Variants in TERB2 observed in about 807,000 individuals in gnomAD.
The protein encoded by TERB2 is telomere repeats-binding bouquet formation protein 2.
A neutral mutation model predicts 29.8 loss-of-function variants in TERB2; 26 were observed. The observed-to-expected ratio is 0.87, with a 90% CI of 0.64 to 1.21. TERB2 has a LOEUF of 1.21. TERB2 is among the 50% of genes most tolerant of loss of function. The pLI is 0.00. For missense variants in TERB2, 240 were observed against 268.6 expected, an observed-to-expected ratio of 0.89 and a Z score of 0.74; for synonymous variants, 80 against 90.8, an observed-to-expected ratio of 0.88 and a Z score of 0.68.
At chr15:44,969,892 T>C (rs1197950505) in intron 5 of TERB2, 1 of 151,756 alleles carries the variant, frequency 6.6e-6, no homozygotes, top group African/African-American at 2.4e-5. Context: ...CATAATATCA[T>C]ACAGTATGTT....
chr15:44,965,945 G>A (rs886501463), intron 4 of TERB2, among the ~76,000 whole-genome samples: 1 of 151,810 alleles, frequency 6.6e-6, no homozygotes, highest in Non-Finnish European at 1.5e-5. Flanking sequence ...TTCTTTATGT[G>A]TCTCCAAAAA....
chr15:44,975,289 A>G (rs1256457817), intron 6 of TERB2, among the ~76,000 whole-genome samples: 1 of 151,996 alleles, frequency 6.6e-6, no homozygotes, highest in Non-Finnish European at 1.5e-5. Flanking sequence ...TTTGTTTTTA[A>G]TTTTGATGTG....
chr15:44,963,019 G>T (rs1891830462), intron 4 of TERB2: 2 of 152,154 alleles, frequency 1.3e-5, no homozygotes, highest in South Asian at 2.1e-4. Flanking sequence ...GAAGATAAGG[G>T]TGGGAGAAGG....
chr15:44,977,512 C>A (rs1290384256), intron 6 of TERB2, among the ~76,000 whole-genome samples: 1 of 152,150 alleles, frequency 6.6e-6, no homozygotes, highest in Non-Finnish European at 1.5e-5. Context: ...TACACAGATA[C>A]ATAGCCATTA....
intron 2 of TERB2, 89 bp downstream of exon 2, chr15:44,957,066 A>G (rs1891727143): frequency 7.3e-7 from 1 of 1,369,902 alleles, no homozygotes; most frequent in Non-Finnish European, 1.0e-6. Context: ...AATATTGATG[A>G]GGCTGGGCGC....
At chr15:44,965,116 T>C (rs1246808205) in intron 4 of TERB2, among the ~76,000 whole-genome samples, 8 of 140,378 alleles carry the variant, frequency 5.7e-5, no homozygotes, top group Middle Eastern at 3.7e-3. Context: ...TGAGCCGAGA[T>C]TTTGCCACTG....
At chr15:44,960,371 G>C (rs760841959) in intron 3 of TERB2, among the ~76,000 whole-genome samples, 2 of 152,102 alleles carry the variant, frequency 1.3e-5, no homozygotes, top group Non-Finnish European at 2.9e-5. Flanking sequence ...GGGTGAGGTG[G>C]CATGCACCTG....
At chr15:44,962,347 A>AT (rs34169916) in intron 4 of TERB2, among the ~76,000 whole-genome samples, 7,417 of 136,978 alleles carry the variant, frequency 0.054, 202 homozygotes, top group African/African-American at 0.093. Flanking sequence ...AAGCCCAGCT[A>AT]TTTTTTTTTT....
chr15:44,965,364 C>G (rs2141241491), intron 4 of TERB2, among the ~76,000 whole-genome samples: 1 of 146,420 alleles, frequency 6.8e-6, no homozygotes, highest in Non-Finnish European at 1.5e-5. Flanking sequence ...ACTTCACTGT[C>G]CTTTTGAAGG....
intron 3 of TERB2, 124 bp downstream of exon 3, chr15:44,958,636 T>A: frequency 9.5e-7 from 1 of 1,052,026 alleles, no homozygotes; most frequent in South Asian, 1.7e-5. Flanking sequence ...TTGTATCTAT[T>A]TAACATAAGT....
chr15:44,968,658 G>A (rs1891924328), intron 5 of TERB2, among the ~76,000 whole-genome samples: 1 of 127,032 alleles, frequency 7.9e-6, no homozygotes, highest in South Asian at 2.5e-4. Flanking sequence ...GCAGTGGCAC[G>A]ATTTCAGTTC....
chr15:44,967,522 G>T (rs1369629029), intron 5 of TERB2, among the ~76,000 whole-genome samples: 1 of 152,244 alleles, frequency 6.6e-6, no homozygotes, highest in African/African-American at 2.4e-5. Flanking sequence ...GGGGGTCTGG[G>T]TATGGAGTTT....
intron 6 of TERB2, 28 bp from the exon 7 acceptor site, chr15:44,978,461 A>G (rs1892075892): frequency 6.4e-7 from 1 of 1,566,082 alleles, no homozygotes; most frequent in Non-Finnish European, 8.6e-7. Context: ...TTTTAAGTAT[A>G]TATCTTTTTT....
At chr15:44,959,736 A>G (rs1222465437) in intron 3 of TERB2, among the ~76,000 whole-genome samples, 1 of 152,192 alleles carries the variant, frequency 6.6e-6, no homozygotes, top group East Asian at 1.9e-4. Context: ...GTAGGTGGCA[A>G]GCATATCAAT....
In TERB2 at chr15:44,966,151, T is replaced by A. The variant is rs749683352; in HGVS notation, c.349-7T>A. 2 of 1,499,458 alleles carry A rather than the reference T, an allele frequency of 1.3e-6. No individual in the cohort carries two copies. The highest frequency in any genetic ancestry group is 2.9e-5 in the African/African-American group (2 of 69,292). 92.9% of individuals were successfully genotyped at this position (1,499,458 alleles called of 1,614,324 possible). A position where few individuals can be genotyped will look rare whatever the true frequency, so the allele number is the denominator to read the frequency against. ...TTTTAAAATGTGATTTACTTTTCTA[T>A]CCACAGCATGATGAAGTAACACCAA... On this transcript the variant is annotated splice_region_variant and splice_polypyrimidine_tract_variant and intron_variant, in intron 4 of 6. Coordinates refer to ENST00000340827, the MANE Select transcript of TERB2 (RefSeq NM_152448.3).
chr15:44,962,249 T>C (rs1450124848), intron 4 of TERB2, among the ~76,000 whole-genome samples: 3 of 150,884 alleles, frequency 2.0e-5, no homozygotes, highest in Non-Finnish European at 4.4e-5. Context: ...TGGTGCGATC[T>C]CGGCTCACTG....
intron 4 of TERB2, among the ~76,000 whole-genome samples, chr15:44,965,224 A>G (rs909362989): frequency 2.0e-5 from 3 of 148,478 alleles, no homozygotes; most frequent in Non-Finnish European, 4.5e-5. Context: ...ACTGGTATAT[A>G]AAATAAATAG....
At chr15:44,972,147 G>A (rs866469122) in intron 5 of TERB2, among the ~76,000 whole-genome samples, 6 of 151,360 alleles carry the variant, frequency 4.0e-5, no homozygotes, top group African/African-American at 7.3e-5. Flanking sequence ...GTGCCACCAC[G>A]CCTGGCTATT....
At chr15:44,968,487 C>G (rs1199130856) in intron 5 of TERB2, among the ~76,000 whole-genome samples, 2 of 150,966 alleles carry the variant, frequency 1.3e-5, no homozygotes, top group African/African-American at 2.4e-5. Context: ...TCCCAAAGTT[C>G]TGGGATTGCA....
Sources: gnomAD v4.1 joint callset for allele counts (sites outside exome capture counted in the v4.1 genomes callset) on GRCh38, gnomAD v4.1.1 for gene constraint, MANE v1.5 for transcripts, NCBI Gene and HGNC (gene_info 2026-07-23, HGNC 2026-07-21) for gene names.